The following AFF1 variants were observed in gnomAD, a reference collection of about 807,000 sequenced individuals.
AFF1 encodes AF4/FMR2 family member 1.
AFF1 carries 48 observed loss-of-function variants against 121.7 expected under a neutral mutation model. The ratio of observed to expected loss-of-function variants is 0.39; its 90% CI spans 0.31 to 0.50. The LOEUF (loss-of-function observed/expected upper bound fraction) is 0.50, where lower values mean the gene tolerates loss of function less well. Ranked by LOEUF, AFF1 falls within the 20% of genes least tolerant of loss-of-function variation. The pLI is 0.76. For missense variants in AFF1, 1,523 were observed against 1,511.7 expected, an observed-to-expected ratio of 1.01 and a Z score of -0.12; for synonymous variants, 613 against 563.0, an observed-to-expected ratio of 1.09 and a Z score of -1.26.
At chr4:86,941,475 G>A (rs1177366080) in intron 1 of AFF1, among the ~76,000 whole-genome samples, 1 of 152,086 alleles carries the variant, frequency 6.6e-6, no homozygotes, top group Non-Finnish European at 1.5e-5. Flanking sequence ...CCTGGCCAAC[G>A]TGATGAAACC....
chr4:87,084,286 C>CGATT lies in AFF1; in HGVS notation c.1104+122_1104+123insGATT, dbSNP rs1723468153. 14 of 1,067,066 alleles carry CGATT rather than the reference C, an allele frequency of 1.3e-5. No homozygotes were observed. The South Asian group carries it at 1.8e-4, about 14-fold the overall frequency. 66.1% of individuals were successfully genotyped at this position (1,067,066 alleles called of 1,614,324 possible). Reference sequence around the variant, plus strand: ...GGGTGCGGTGGCTCATGCCTGTAATCCTAGCACTTTGGGAGGCCAAGGTGG... The same window carrying CGATT: ...GGGTGCGGTGGCTCATGCCTGTAATCGATTCTAGCACTTTGGGAGGCCAAGGTGG... On this transcript the variant is annotated intron_variant, in intron 5 of 20. Coordinates refer to ENST00000395146, the MANE Select transcript of AFF1 (RefSeq NM_001166693.3).
At chr4:87,040,579 T>C (rs1578126348) in intron 2 of AFF1, among the ~76,000 whole-genome samples, 1 of 149,844 alleles carries the variant, frequency 6.7e-6, no homozygotes, top group Non-Finnish European at 1.5e-5. Flanking sequence ...TTTTTTTTTT[T>C]AATTGAGACA....
chr4:87,080,412 G>A (rs892120368), intron 4 of AFF1, among the ~76,000 whole-genome samples: 5 of 152,218 alleles, frequency 3.3e-5, no homozygotes, highest in Non-Finnish European at 7.4e-5. Context: ...CTCAGTTGTG[G>A]CTTAGAGAGA....
rs904876382 is a variant in AFF1 at position 87,026,603 on chromosome 4, C to T, written c.39-19563C>T. On this transcript the variant is annotated intron_variant, in intron 2 of 20. Coordinates refer to ENST00000395146, the MANE Select transcript of AFF1 (RefSeq NM_001166693.3). ...GTAGGGAAGTTGGAGGTGAGGAGGG[C>T]CCGTTAGTAGGGAACTGAGGCCAGA... 2.0e-5 allele frequency among the ~76,000 whole-genome samples: 3 copies of T among 151,982 alleles called. No individual in the cohort carries two copies. In the South Asian group the frequency reaches 6.2e-4, roughly 32 times the overall value.
intron 2 of AFF1, among the ~76,000 whole-genome samples, chr4:86,964,878 A>G (rs1722426871): frequency 6.6e-6 from 1 of 152,192 alleles, no homozygotes; most frequent in African/African-American, 2.4e-5. Flanking sequence ...TCCATCTCAT[A>G]TATCCGTCTG....
intron 5 of AFF1, among the ~76,000 whole-genome samples, chr4:87,087,171 G>C (rs1723823929): frequency 6.6e-6 from 1 of 152,236 alleles, no homozygotes; most frequent in South Asian, 2.1e-4. Flanking sequence ...CATGATGCTA[G>C]TACAATGAGT....
At chr4:87,014,252 C>T (rs982417433) in intron 2 of AFF1, among the ~76,000 whole-genome samples, 4 of 152,132 alleles carry the variant, frequency 2.6e-5, no homozygotes, top group African/African-American at 9.7e-5. Flanking sequence ...TTGTGGGCTC[C>T]CTCCCCAGTT....
intron 12 of AFF1, among the ~76,000 whole-genome samples, chr4:87,118,358 A>G (rs186958599): frequency 6.6e-6 from 1 of 152,358 alleles, no homozygotes; most frequent in East Asian, 1.9e-4. Context: ...GCATGAGGAA[A>G]AGTAGAGAAA....
intron 2 of AFF1, among the ~76,000 whole-genome samples, chr4:86,995,095 T>C (rs1304397816): frequency 6.6e-6 from 1 of 151,962 alleles, no homozygotes; most frequent in East Asian, 1.9e-4. Flanking sequence ...TAGCCAGGTG[T>C]GGTGTTGTGT....
intron 4 of AFF1, among the ~76,000 whole-genome samples, chr4:87,064,844 GCC>G (rs1356603846): frequency 6.7e-6 from 1 of 148,474 alleles, no homozygotes; most frequent in African/African-American, 2.5e-5. Context: ...TTGCACTCCA[GCC>G]TGGGCAACAA....
At chr4:87,101,293 A>T (rs1294354038) in intron 8 of AFF1, among the ~76,000 whole-genome samples, 1 of 152,128 alleles carries the variant, frequency 6.6e-6, no homozygotes, top group Non-Finnish European at 1.5e-5. Flanking sequence ...AAATGCCAGG[A>T]TTCTACGGCC....
At chr4:86,963,886 T>A (rs1722331078) in intron 2 of AFF1, among the ~76,000 whole-genome samples, 1 of 150,720 alleles carries the variant, frequency 6.6e-6, no homozygotes. Flanking sequence ...AGCCTCAATC[T>A]CCTGGGCTCA....
At chr4:87,134,328 A>G (rs1173026863) in intron 19 of AFF1, 143 bp from the exon 20 acceptor site, 7 of 746,148 alleles carry the variant, frequency 9.4e-6, no homozygotes, top group African/African-American at 1.8e-5. Flanking sequence ...ACCTTGTAGG[A>G]GTGACTTTAG....
intron 8 of AFF1, among the ~76,000 whole-genome samples, chr4:87,100,909 C>T (rs931850817): frequency 6.6e-6 from 1 of 152,172 alleles, no homozygotes; most frequent in African/African-American, 2.4e-5. Context: ...TATTTGACAT[C>T]AGATAATCTT....
chr4:87,010,874 G>A (rs1726668740), intron 2 of AFF1, among the ~76,000 whole-genome samples: 1 of 152,094 alleles, frequency 6.6e-6, no homozygotes, highest in Admixed American at 6.5e-5. Context: ...GGATCACGAG[G>A]TTAGGAGATC....
intron 1 of AFF1, among the ~76,000 whole-genome samples, chr4:86,942,618 T>G (rs6836128): frequency 1.3e-5 from 2 of 152,226 alleles, no homozygotes; most frequent in Non-Finnish European, 2.9e-5. Flanking sequence ...GTTTGTATCT[T>G]GATTTACCTG....
intron 1 of AFF1, among the ~76,000 whole-genome samples, chr4:86,946,874 T>C (rs1720904680): frequency 6.6e-6 from 1 of 152,062 alleles, no homozygotes; most frequent in African/African-American, 2.4e-5. Context: ...TGCTATTGGG[T>C]TGCAAGCAGG....
chr4:87,051,553 C>G (rs1388617011), intron 4 of AFF1, among the ~76,000 whole-genome samples: 2 of 151,980 alleles, frequency 1.3e-5, no homozygotes, highest in East Asian at 3.9e-4. Context: ...CTCCACCTCC[C>G]GGGTTCAAGC....
chr4:86,995,436 C>T lies in AFF1; in HGVS notation c.38+46865C>T, dbSNP rs1300588545. Reference sequence around the variant, plus strand: ...GCCTGATTCTCCTGCCTCAGCCTGCCGAGTGCCTGCGATTGCAGGCGCGCG... The same window carrying T: ...GCCTGATTCTCCTGCCTCAGCCTGCTGAGTGCCTGCGATTGCAGGCGCGCG... On this transcript the variant is annotated intron_variant, in intron 2 of 20. Transcript: ENST00000395146. 1.9e-4 allele frequency among the ~76,000 whole-genome samples: 28 copies of T among 151,012 alleles called. 2 individuals carry two copies. The East Asian group carries it at 2.2e-3, about 12-fold the overall frequency.
Sources: gnomAD v4.1 joint callset for allele counts (sites outside exome capture counted in the v4.1 genomes callset) on GRCh38, gnomAD v4.1.1 for gene constraint, MANE v1.5 for transcripts, NCBI Gene and HGNC (gene_info 2026-07-23, HGNC 2026-07-21) for gene names.